The following CSMD2 variants were observed in gnomAD, a reference collection of about 807,000 sequenced individuals.
CSMD2 encodes the protein CUB and sushi domain-containing protein 2.
A neutral mutation model predicts 398.5 loss-of-function variants in CSMD2; 130 were observed. That is an observed-to-expected ratio of 0.33 (90% CI 0.28 to 0.38). The LOEUF (loss-of-function observed/expected upper bound fraction) is 0.38. CSMD2 is among the 10% of genes least tolerant of loss of function. CSMD2 has a pLI of 1.00. For missense variants in CSMD2, 3,829 were observed against 4,764.9 expected (o/e 0.80, Z 5.78); for synonymous variants, 1,828 against 1,908.5 (o/e 0.96, Z 1.10).
At chr1:33,547,375 A>G (rs908900197) in intron 56 of CSMD2, among the ~76,000 whole-genome samples, 3 of 152,234 alleles carry the variant, frequency 2.0e-5, no homozygotes, top group African/African-American at 7.2e-5. Context: ...GAGAACAATT[A>G]CCGAATAAAT....
At chr1:33,718,988 C>T (rs1358680638) in intron 19 of CSMD2, among the ~76,000 whole-genome samples, 1 of 152,166 alleles carries the variant, frequency 6.6e-6, no homozygotes, top group Non-Finnish European at 1.5e-5. Context: ...AAGTGCCAGG[C>T]CTTGTGCTAA....
chr1:34,000,022 A>C (rs1031166859), intron 3 of CSMD2, among the ~76,000 whole-genome samples: 2 of 152,150 alleles, frequency 1.3e-5, no homozygotes, highest in Non-Finnish European at 2.9e-5. Context: ...ACAAAAATAC[A>C]GAGGAGTAGA....
chr1:33,828,054 G>T (rs1325801159), intron 6 of CSMD2, among the ~76,000 whole-genome samples: 1 of 152,166 alleles, frequency 6.6e-6, no homozygotes, highest in East Asian at 1.9e-4. Flanking sequence ...TTCCCCAAGG[G>T]TTTGTTCCCT....
At chr1:33,694,039 A>G (rs1645331775) in intron 24 of CSMD2, among the ~76,000 whole-genome samples, 1 of 152,210 alleles carries the variant, frequency 6.6e-6, no homozygotes, top group Non-Finnish European at 1.5e-5. Context: ...AGCCTGGGCA[A>G]CAAATGCGAA....
chr1:33,524,039 T>A (rs1165752819), intron 66 of CSMD2, among the ~76,000 whole-genome samples: 1 of 152,242 alleles, frequency 6.6e-6, no homozygotes, highest in African/African-American at 2.4e-5. Context: ...GAAAAAATGA[T>A]CTCTCCTGAT....
intron 5 of CSMD2, among the ~76,000 whole-genome samples, chr1:33,915,665 C>T (rs999630980): frequency 2.0e-5 from 3 of 152,236 alleles, no homozygotes; most frequent in Non-Finnish European, 4.4e-5. Flanking sequence ...ACAAGTGAGT[C>T]GAAAAGGCCT....
intron 15 of CSMD2, among the ~76,000 whole-genome samples, chr1:33,734,408 GAGCA>G (rs1646817431): frequency 6.6e-6 from 1 of 152,152 alleles, no homozygotes; most frequent in Non-Finnish European, 1.5e-5. Context: ...CCAGGCTGGA[GAGCA>G]GTAGTACAAT....
intron 10 of CSMD2, among the ~76,000 whole-genome samples, chr1:33,809,015 A>G (rs1570054280): frequency 6.6e-6 from 1 of 151,810 alleles, no homozygotes; most frequent in Non-Finnish European, 1.5e-5. Flanking sequence ...TTCTCTAGCC[A>G]TTACATGTAT....
At chr1:33,840,051 C>T (rs910136096) in intron 6 of CSMD2, 3 of 152,142 alleles carry the variant, frequency 2.0e-5, no homozygotes, top group Non-Finnish European at 4.4e-5. Context: ...CTCAGTTAAC[C>T]ACAGCAAAAC....
intron 3 of CSMD2, among the ~76,000 whole-genome samples, chr1:34,027,329 GT>G (rs1649776591): frequency 6.6e-6 from 1 of 152,186 alleles, no homozygotes; most frequent in Non-Finnish European, 1.5e-5. Context: ...CAAATGGGAT[GT>G]CATTTTCCAC....
At chr1:33,523,650 G>A (rs909527774) in intron 66 of CSMD2, among the ~76,000 whole-genome samples, 3 of 152,176 alleles carry the variant, frequency 2.0e-5, no homozygotes, top group Non-Finnish European at 4.4e-5. Flanking sequence ...GTTAATAATT[G>A]GATTACCGGG....
chr1:34,151,219 G>A (rs1481811264), intron 1 of CSMD2, among the ~76,000 whole-genome samples: 1 of 152,108 alleles, frequency 6.6e-6, no homozygotes, highest in East Asian at 1.9e-4. Context: ...TGTCCCTGGG[G>A]GAAGGAACTT....
chr1:33,531,862 G>A (rs903296343), intron 64 of CSMD2, among the ~76,000 whole-genome samples: 8 of 152,150 alleles, frequency 5.3e-5, no homozygotes, highest in Admixed American at 6.5e-5. Flanking sequence ...GTTTCTGTTC[G>A]AGATAATGAA....
chr1:33,967,846 G>C (rs1301995013), intron 3 of CSMD2, among the ~76,000 whole-genome samples: 1 of 152,154 alleles, frequency 6.6e-6, no homozygotes, highest in Non-Finnish European at 1.5e-5. Flanking sequence ...TTGAGATGAA[G>C]GAAGGAGGGC....
At chr1:33,594,897 T>G (rs2148781090) in intron 44 of CSMD2, among the ~76,000 whole-genome samples, 1 of 152,310 alleles carries the variant, frequency 6.6e-6, no homozygotes, top group South Asian at 2.1e-4. Flanking sequence ...ATAGGAGAAG[T>G]TGGAAGTATA....
intron 15 of CSMD2, among the ~76,000 whole-genome samples, chr1:33,738,133 T>C (rs1046536094): frequency 1.3e-5 from 2 of 152,166 alleles, no homozygotes; most frequent in Non-Finnish European, 2.9e-5. Context: ...CTGTCCTTCC[T>C]GTTCATGGCC....
intron 6 of CSMD2, chr1:33,838,411 T>G (rs938490677): frequency 6.6e-6 from 1 of 152,226 alleles, no homozygotes; most frequent in African/African-American, 2.4e-5. Context: ...AAAACTGAAA[T>G]CTGACCTTGC....
intron 5 of CSMD2, among the ~76,000 whole-genome samples, chr1:33,888,014 A>G (rs915546174): frequency 4.6e-5 from 7 of 152,128 alleles, no homozygotes; most frequent in African/African-American, 1.7e-4. Context: ...CCTATTCACT[A>G]TAACAATAAA....
chr1:33,749,808 G>A (rs896873419), intron 13 of CSMD2, among the ~76,000 whole-genome samples: 1 of 152,102 alleles, frequency 6.6e-6, no homozygotes, highest in Non-Finnish European at 1.5e-5. Context: ...TAGCATGAAG[G>A]GAAAAACCTG....
Sources: allele counts gnomAD v4.1 joint callset (sites outside exome capture counted in the v4.1 genomes callset), GRCh38; gene constraint gnomAD v4.1.1; transcripts MANE v1.5; gene names NCBI Gene and HGNC (gene_info 2026-07-23, HGNC 2026-07-21).